The following NOTCH1 variants were observed in gnomAD, a reference collection of about 807,000 sequenced individuals.
NOTCH1 encodes notch receptor 1.
Under a neutral mutation model 254.8 loss-of-function variants are expected in NOTCH1, and 37 were observed. That is an observed-to-expected ratio of 0.15 (90% CI 0.11 to 0.19). The LOEUF is 0.19. Among genes scored for constraint, NOTCH1 ranks in the 10% least tolerant of loss-of-function variants. NOTCH1 has a pLI of 1.00. For synonymous variants in NOTCH1, 1,731 were observed against 1,618.1 expected (o/e 1.07, Z -1.68); for missense variants, 2,972 against 3,708.6 (o/e 0.80, Z 5.16).
chr9:136,509,325 T>G (rs756051162), intron 18 of NOTCH1, among the ~76,000 whole-genome samples: 1 of 152,102 alleles, frequency 6.6e-6, no homozygotes, highest in Non-Finnish European at 1.5e-5. Context: ...CGCGTGGGCA[T>G]AGGGTGGTTA....
intron 2 of NOTCH1, among the ~76,000 whole-genome samples, chr9:136,541,519 C>T (rs1231888212): frequency 6.6e-6 from 1 of 152,210 alleles, no homozygotes; most frequent in African/African-American, 2.4e-5. Context: ...AGCCTGCACC[C>T]CAGACTCTTT....
At chr9:136,501,682 G>A (rs538984541) in intron 30 of NOTCH1, 66 bp downstream of exon 30, 34 of 1,575,896 alleles carry the variant, frequency 2.2e-5, no homozygotes, top group Admixed American at 3.4e-5. Flanking sequence ...CCCCAGCCTC[G>A]GGGCTTAGGG....
Position 136,495,907 on chromosome 9 carries a change from A to G in NOTCH1, c.*164T>C, listed in dbSNP as rs1226362708. 1.1e-5 allele frequency: 8 copies of G among 738,362 alleles called. No individual in the cohort carries two copies. In the East Asian group the frequency reaches 2.2e-4, roughly 20 times the overall value. The allele number at this position is 738,362 out of a possible 1,614,324, so 45.7% of individuals were successfully genotyped here. On this transcript the variant is annotated 3_prime_UTR_variant, in exon 34 of 34. Transcript: ENST00000651671. ...AAAGGCAGTGTTTCTGTGTAAAATA[A>G]AAGTACATAAATAAATACTAAAAAA...
rs780124510 is a variant in NOTCH1, at chr9:136,509,869, C to T, written c.2833G>A (p.Asp945Asn). ...PGFRGTFCEEDINECASDPCR... is the reference protein window; with the variant it reads ...PGFRGTFCEENINECASDPCR... ...GGGTCACTGGCACACTCGTTGATGT[C>T]CTCCTCACAGAAAGTGCCCCGGAAG... Residue 945 changes from aspartate to asparagine, a missense_variant, in exon 18 of 34, where the codon GAC becomes AAC. Physicochemically the swap from Asp to Asn is conservative, Grantham distance 23 (BLOSUM62 1). Around this residue, in one of 8 missense-constraint regions of NOTCH1, gnomAD observed 1,343 missense variants for 1,557.0 expected, o/e 0.86. Transcript: ENST00000651671. 1.2e-6 allele frequency: 2 copies of T among 1,613,160 alleles called. No individual in the cohort carries two copies. The highest frequency in any genetic ancestry group is 1.7e-6 in the Non-Finnish European group (2 of 1,180,016).
chr9:136,500,868 G>A (rs773828960), intron 30 of NOTCH1, 21 bp from the exon 31 acceptor site: 1 of 1,570,438 alleles, frequency 6.4e-7, no homozygotes, highest in Admixed American at 1.8e-5. Context: ...AGAGACGGGT[G>A]CTCAGTCTGG....
intron 4 of NOTCH1, among the ~76,000 whole-genome samples, chr9:136,519,803 G>A (rs1379089162): frequency 1.3e-5 from 2 of 152,234 alleles, no homozygotes; most frequent in East Asian, 1.9e-4. Context: ...GGTTCCAGAA[G>A]ATTCTGTCAC....
chr9:136,499,380 A>C, intron 31 of NOTCH1, 121 bp from the exon 32 acceptor site: 1 of 1,414,410 alleles, frequency 7.1e-7, no homozygotes, highest in East Asian at 2.5e-5. Context: ...GACCCTCCTG[A>C]GATCGGCACG....
Position 136,514,686 on chromosome 9 carries a change from G to T in NOTCH1, c.2031C>A (p.Ile677=). 1 of 1,612,510 alleles carries T rather than the reference G, an allele frequency of 6.2e-7. No homozygotes were observed. Among genetic ancestry groups the T allele is most frequent in the Non-Finnish European group, 8.5e-7 (1 of 1,179,886 alleles). ...GGTTGCCCGCACACTCATCGATGTTGATGTTACACATGCTCCCTAAGGGCA... is the reference window on the plus strand; with the variant it reads ...GGTTGCCCGCACACTCATCGATGTTTATGTTACACATGCTCCCTAAGGGCA... The part of the protein sequence containing the change: ...EPGYTGSMCN[I]NIDECAGNPC... Residue 677 remains isoleucine (I), a synonymous_variant, in exon 13 of 34, where the codon ATC becomes ATA. Coordinates refer to ENST00000651671, the MANE Select transcript of NOTCH1 (RefSeq NM_017617.5).
Position 136,504,709 on chromosome 9 carries a change from C to T in NOTCH1, c.4982G>A (p.Arg1661Gln), listed in dbSNP as rs1163223024. Residue 1661 changes from arginine (R) to glutamine (Q), a missense_variant, in exon 26 of 34, where the codon CGG becomes CAG. Around this residue, in one of 8 missense-constraint regions of NOTCH1, gnomAD observed 1,343 missense variants for 1,557.0 expected, o/e 0.86. Transcript: ENST00000651671. ...CATGGGGTCCAGCTCCCTCCGCCGC[C>T]GCCCACCCTCGCTGCCACCAGGGAG... ...SLLPGGSEGG[R>Q]RRRELDPMDV... The T allele has an allele frequency of 3.9e-6, 6 of 1,537,478 alleles. No individual in the cohort carries two copies. Among genetic ancestry groups the T allele is most frequent in the East Asian group, 4.9e-5 (2 of 40,738 alleles).
chr9:136,532,382 C>T (rs1190420939), intron 2 of NOTCH1, among the ~76,000 whole-genome samples: 1 of 152,236 alleles, frequency 6.6e-6, no homozygotes, highest in African/African-American at 2.4e-5. Flanking sequence ...CCCAATCCCG[C>T]AGGACCTCGC....
chr9:136,509,297 G>A (rs1039867036), intron 18 of NOTCH1, among the ~76,000 whole-genome samples: 18 of 152,222 alleles, frequency 1.2e-4, no homozygotes, highest in African/African-American at 3.6e-4. Flanking sequence ...AAGTCAGGTC[G>A]AGAGTGGTTT....
chr9:136,543,350 A>G (rs1843760230), intron 2 of NOTCH1: 1 of 237,626 alleles, frequency 4.2e-6, no homozygotes. Flanking sequence ...ATCACCACCC[A>G]GAGGAGGCAT....
At chr9:136,510,045 G>A in intron 17 of NOTCH1, 84 bp from the exon 18 acceptor site, 1 of 1,320,014 alleles carries the variant, frequency 7.6e-7, no homozygotes, top group Non-Finnish European at 1.1e-6. Flanking sequence ...GCATGGCTGG[G>A]GACAGCCCAG....
At chr9:136,536,991 T>C (rs958699733) in intron 2 of NOTCH1, among the ~76,000 whole-genome samples, 6 of 152,226 alleles carry the variant, frequency 3.9e-5, no homozygotes, top group African/African-American at 1.4e-4. Context: ...GCGGCTGGCA[T>C]GAGTGAGGCC....
At chr9:136,532,870 G>A (rs927702588) in intron 2 of NOTCH1, among the ~76,000 whole-genome samples, 10 of 152,204 alleles carry the variant, frequency 6.6e-5, no homozygotes, top group Non-Finnish European at 7.4e-5. Flanking sequence ...GGGGGTGGCC[G>A]GCCTGGACTG....
Position 136,511,290 on chromosome 9 carries a change from C to T in NOTCH1, c.2468-19G>A, listed in dbSNP as rs116515776. Reference sequence around the variant, plus strand: ...GTGGCACCTGCGGGAAGGAGACACACGTGACCCCGGGAGCCTCACCCAGAG... The same window carrying T: ...GTGGCACCTGCGGGAAGGAGACACATGTGACCCCGGGAGCCTCACCCAGAG... On this transcript the variant is annotated intron_variant, in intron 15 of 33. Transcript: ENST00000651671. 3,671 of 1,603,352 alleles carry T rather than the reference C, an allele frequency of 2.3e-3. 69 individuals are homozygous for T. The African/African-American group carries it at 0.044, about 19-fold the overall frequency.
At chr9:136,535,546 G>A (rs1434978314) in intron 2 of NOTCH1, among the ~76,000 whole-genome samples, 36 of 51,686 alleles carry the variant, frequency 7.0e-4, no homozygotes, top group South Asian at 1.2e-3. Flanking sequence ...GATCCCTCCC[G>A]GGGCAATGGG....
intron 1 of NOTCH1, among the ~76,000 whole-genome samples, chr9:136,544,438 T>C (rs1437677879): frequency 3.9e-5 from 6 of 152,074 alleles, no homozygotes; most frequent in Admixed American, 3.9e-4. Context: ...AGTGGGCTAC[T>C]CTCCAAAGCG....
rs1484850236 is a variant in NOTCH1, at chr9:136,511,819, C to T, written c.2468-548G>A. The stretch of plus-strand genomic sequence containing the variant: ...CAGGCCCCCAGCACATCCTGCGTGT[C>T]GGGGCACGGGGCACGGCCTGGAGAC... On this transcript the variant is annotated intron_variant, in intron 15 of 33. Transcript: ENST00000651671. Among the ~76,000 whole-genome samples the T allele has an allele frequency of 3.3e-5, 5 of 152,188 alleles. No homozygotes were observed. The East Asian group carries it at 7.7e-4, about 23-fold the overall frequency.
Sources: gnomAD v4.1 joint callset for allele counts (sites outside exome capture counted in the v4.1 genomes callset) on GRCh38, gnomAD v4.1.1 for gene constraint, gnomAD v4.1.1 regional missense constraint, MANE v1.5 for transcripts, NCBI Gene and HGNC (gene_info 2026-07-23, HGNC 2026-07-21) for gene names.